The following DPP6 variants were observed in gnomAD, a reference collection of about 807,000 sequenced individuals.
DPP6 encodes A-type potassium channel modulatory protein DPP6.
Under a neutral mutation model 122.6 loss-of-function variants are expected in DPP6, and 69 were observed. The ratio of observed to expected loss-of-function variants is 0.56; its 90% confidence interval spans 0.46 to 0.69. The LOEUF (loss-of-function observed/expected upper bound fraction) is 0.69. Ranked by LOEUF, DPP6 falls within the 30% of genes least tolerant of loss-of-function variation. The pLI, the probability that DPP6 is intolerant of heterozygous loss-of-function variation, is 0.00. For missense variants in DPP6, 928 were observed against 1,116.9 expected, an observed-to-expected ratio of 0.83 and a Z score of 2.41; for synonymous variants, 418 against 433.1, an observed-to-expected ratio of 0.97 and a Z score of 0.43.
chr7:154,853,602 T>C (rs989406077), intron 16 of DPP6, among the ~76,000 whole-genome samples, 178 bp from the exon 17 acceptor site: 1 of 152,252 alleles, frequency 6.6e-6, no homozygotes, highest in Admixed American at 6.5e-5. Flanking sequence ...AGCTGTGCCT[T>C]GGCCCCCCTG....
chr7:154,123,829 T>G (rs1807679715), intron 1 of DPP6, among the ~76,000 whole-genome samples: 1 of 137,544 alleles, frequency 7.3e-6, no homozygotes, highest in African/African-American at 2.7e-5. Context: ...GGGACAGTTG[T>G]GCTGCCCGCT....
At chr7:154,671,279 G>A (rs570803375) in intron 7 of DPP6, among the ~76,000 whole-genome samples, 1 of 152,284 alleles carries the variant, frequency 6.6e-6, no homozygotes, top group South Asian at 2.1e-4. Context: ...CTCCCTGCCT[G>A]CTGCGGATCC....
intron 8 of DPP6, among the ~76,000 whole-genome samples, chr7:154,756,018 A>G (rs142885761): frequency 0.014 from 2,119 of 152,328 alleles, 44 homozygotes; most frequent in African/African-American, 0.048. Context: ...GTGCAGTGAA[A>G]AAAACAATGA....
intron 16 of DPP6, among the ~76,000 whole-genome samples, chr7:154,842,376 A>T (rs1210294465): frequency 3.3e-5 from 5 of 152,144 alleles, no homozygotes; most frequent in African/African-American, 7.2e-5. Flanking sequence ...TTTTTTATTT[A>T]TTCTGATGAC....
intron 1 of DPP6, among the ~76,000 whole-genome samples, chr7:154,246,147 C>G (rs77990640): frequency 0.039 from 5,942 of 152,134 alleles, 187 homozygotes; most frequent in East Asian, 0.14. Context: ...TCTCCTAACT[C>G]ATGGGTCAAA....
intron 1 of DPP6, among the ~76,000 whole-genome samples, chr7:154,134,559 G>A (rs1795446789): frequency 6.6e-6 from 1 of 152,170 alleles, no homozygotes; most frequent in African/African-American, 2.4e-5. Flanking sequence ...GCTTCACAAG[G>A]TCAAATCTGT....
chr7:154,782,215 A>C (rs1470025648), intron 10 of DPP6, among the ~76,000 whole-genome samples: 3 of 152,198 alleles, frequency 2.0e-5, no homozygotes, highest in Non-Finnish European at 4.4e-5. Flanking sequence ...GTAGGCAGAT[A>C]TAGTGCTTTA....
chr7:153,946,401 G>A (rs1171808321), intron 1 of DPP6, among the ~76,000 whole-genome samples: 7 of 152,128 alleles, frequency 4.6e-5, no homozygotes, highest in Non-Finnish European at 8.8e-5. Flanking sequence ...GGATGTTGGC[G>A]TGGCATTTGT....
At chr7:153,790,305 G>C in the DPP6 span, among the ~76,000 whole-genome samples, 1 of 151,996 alleles carries the variant, frequency 6.6e-6, no homozygotes. Context: ...TATTATCCAA[G>C]TAGGATGGGA....
chr7:154,857,582 C>G (rs977351120), intron 17 of DPP6, among the ~76,000 whole-genome samples: 2 of 152,242 alleles, frequency 1.3e-5, no homozygotes, highest in African/African-American at 4.8e-5. Context: ...TCCAACCCAG[C>G]TGTGTCTTCC....
At chr7:153,932,632 TC>T (rs1801225724) in intron 1 of DPP6, among the ~76,000 whole-genome samples, 1 of 152,306 alleles carries the variant, frequency 6.6e-6, no homozygotes, top group African/African-American at 2.4e-5. Context: ...TCATTAAACT[TC>T]CTCCAGACCT....
At chr7:153,958,778 C>G in intron 1 of DPP6, among the ~76,000 whole-genome samples, 1 of 152,104 alleles carries the variant, frequency 6.6e-6, no homozygotes. Flanking sequence ...CTATTTCTCC[C>G]TGAACATCTG....
chr7:154,777,233 G>T, intron 10 of DPP6, among the ~76,000 whole-genome samples: 1 of 152,180 alleles, frequency 6.6e-6, no homozygotes, highest in East Asian at 1.9e-4. Flanking sequence ...AGTCTGCATG[G>T]AAGTGTGGAA....
chr7:154,751,519 A>G (rs1258442227), intron 8 of DPP6, among the ~76,000 whole-genome samples: 1 of 151,416 alleles, frequency 6.6e-6, no homozygotes, highest in Non-Finnish European at 1.5e-5. Flanking sequence ...CTGAGGTGGA[A>G]GAATCGCTTG....
chr7:153,904,088 G>A lies in DPP6; in HGVS notation c.51+16354G>A, dbSNP rs1422395807. Among the ~76,000 whole-genome samples the A allele has an allele frequency of 2.6e-5, 4 of 152,162 alleles. 1 individual carries two copies. The highest frequency in any genetic ancestry group is 5.9e-5 in the Non-Finnish European group (4 of 68,042). On this transcript the variant is annotated intron_variant, in intron 1 of 25. Coordinates refer to the DPP6 transcript ENST00000404039. ...CATTTTTGAGATGGACTCTCACTGTGTTGCCTAAGCTGGACGGCAGTGGCA... is the reference window on the plus strand; with the variant it reads ...CATTTTTGAGATGGACTCTCACTGTATTGCCTAAGCTGGACGGCAGTGGCA...
chr7:153,894,968 A>G (rs1799346396), intron 1 of DPP6, among the ~76,000 whole-genome samples: 1 of 152,188 alleles, frequency 6.6e-6, no homozygotes, highest in South Asian at 2.1e-4. Context: ...AACACAGAAT[A>G]AGGAGAAAAA....
intron 1 of DPP6, among the ~76,000 whole-genome samples, chr7:154,247,548 G>A (rs1447884292): frequency 6.6e-6 from 1 of 151,784 alleles, no homozygotes; most frequent in African/African-American, 2.4e-5. Context: ...CCATACTGAG[G>A]GAACATTTTA....
the DPP6 span, among the ~76,000 whole-genome samples, chr7:153,829,632 C>T: frequency 3.3e-5 from 5 of 152,260 alleles, no homozygotes; most frequent in East Asian, 3.9e-4. Flanking sequence ...TACTGTGTGA[C>T]GGGCAGCCTT....
At chr7:154,599,530 C>CT (rs936053897) in intron 5 of DPP6, among the ~76,000 whole-genome samples, 5 of 150,832 alleles carry the variant, frequency 3.3e-5, no homozygotes, top group Admixed American at 1.3e-4. Context: ...TATCATTATA[C>CT]TTTAAGTTCT....
Sources: allele counts gnomAD v4.1 joint callset (sites outside exome capture counted in the v4.1 genomes callset), GRCh38; gene constraint gnomAD v4.1.1; transcripts MANE v1.5; gene names NCBI Gene and HGNC (gene_info 2026-07-23, HGNC 2026-07-21).